SLC16A9: variants seen among roughly 807,000 people sequenced by gnomAD.
SLC16A9 encodes monocarboxylate transporter 9.
SLC16A9 carries 26 observed loss-of-function variants against 44.3 expected under a neutral mutation model. The observed-to-expected ratio is 0.59, with a 90% CI of 0.43 to 0.81. The LOEUF (loss-of-function observed/expected upper bound fraction) is 0.81. Among genes scored for constraint, SLC16A9 ranks in the 40% least tolerant of loss-of-function variants. The probability of loss-of-function intolerance (pLI) is 0.00; values close to 1 mark genes in which losing one functional copy is unlikely to be tolerated. For missense variants in SLC16A9, 559 were observed against 595.8 expected (o/e 0.94, Z 0.64); for synonymous variants, 230 against 225.1 (o/e 1.02, Z -0.19).
At chr10:59,685,179 A>T (rs1840105083) in intron 1 of SLC16A9, among the ~76,000 whole-genome samples, 1 of 152,206 alleles carries the variant, frequency 6.6e-6, no homozygotes, top group Non-Finnish European at 1.5e-5. Flanking sequence ...TGTCCACATA[A>T]CATCCTGAGA....
chr10:59,703,705 A>G (rs1264530749), intron 1 of SLC16A9, among the ~76,000 whole-genome samples: 1 of 151,694 alleles, frequency 6.6e-6, no homozygotes, highest in Non-Finnish European at 1.5e-5. Flanking sequence ...AATTTGAATG[A>G]ATTGCTGATT....
At chr10:59,668,432 C>T (rs969901196) in intron 3 of SLC16A9, among the ~76,000 whole-genome samples, 5 of 152,158 alleles carry the variant, frequency 3.3e-5, no homozygotes, top group African/African-American at 4.8e-5. Flanking sequence ...CAAGACTTAG[C>T]GCAAGCATAA....
At chr10:59,670,667 A>C (rs1406703748) in intron 3 of SLC16A9, among the ~76,000 whole-genome samples, 1 of 152,220 alleles carries the variant, frequency 6.6e-6, no homozygotes, top group Non-Finnish European at 1.5e-5. Context: ...TTACCATTAG[A>C]CTGAACCGTT....
rs1452441500 is a variant in SLC16A9 at position 59,652,018 on chromosome 10, G to A, written c.*754C>T. The A allele has an allele frequency of 6.6e-6, 1 of 152,144 alleles. No individual in the cohort carries two copies. The highest frequency in any genetic ancestry group is 2.4e-5 in the African/African-American group (1 of 41,420). 9.4% of individuals were successfully genotyped at this position (152,144 alleles called of 1,614,324 possible). On this transcript the variant is annotated 3_prime_UTR_variant, in exon 6 of 6. Coordinates refer to ENST00000395348, the MANE Select transcript of SLC16A9 (RefSeq NM_194298.3). ...AAACATCAGCTGAGTGGATGGCCAA[G>A]AAGCAAAAGTGAGCAAGGTTGGAGT...
intron 1 of SLC16A9, among the ~76,000 whole-genome samples, chr10:59,709,171 G>A (rs915976714): frequency 2.0e-5 from 3 of 152,118 alleles, no homozygotes; most frequent in Non-Finnish European, 4.4e-5. Context: ...AGCTCTCTGG[G>A]GGGCCACCGT....
rs554169328 is a variant in SLC16A9 at position 59,703,323 on chromosome 10, A to G, written c.-37+6156T>C. 3.3e-5 allele frequency among the ~76,000 whole-genome samples: 5 copies of G among 152,308 alleles called. No individual in the cohort carries two copies. The South Asian group carries it at 1.0e-3, about 32-fold the overall frequency. On this transcript the variant is annotated intron_variant, in intron 1 of 5. Coordinates refer to ENST00000395348, the MANE Select transcript of SLC16A9 (RefSeq NM_194298.3). ...TTTGTAGAGACGAAGTCTCACTATG[A>G]TACCCAAGCTGGTCTCAAACTGCTG...
intron 1 of SLC16A9, among the ~76,000 whole-genome samples, chr10:59,689,453 A>G (rs1840206602): frequency 6.6e-6 from 1 of 152,256 alleles, no homozygotes; most frequent in Non-Finnish European, 1.5e-5. Flanking sequence ...AATAAAGGGC[A>G]TCTAACCCAA....
chr10:59,689,947 T>G (rs1452035566), intron 1 of SLC16A9, among the ~76,000 whole-genome samples: 1 of 152,220 alleles, frequency 6.6e-6, no homozygotes, highest in Non-Finnish European at 1.5e-5. Context: ...GCACTCTTTT[T>G]CATAAAAATT....
At chr10:59,656,433 C>G (rs866885789) in intron 4 of SLC16A9, among the ~76,000 whole-genome samples, 1 of 152,160 alleles carries the variant, frequency 6.6e-6, no homozygotes, top group African/African-American at 2.4e-5. Flanking sequence ...TCTTGCCAAC[C>G]AAGTTTATCT....
chr10:59,673,063 T>A (rs1588973470), intron 2 of SLC16A9, 150 bp from the exon 3 acceptor site: 2 of 661,284 alleles, frequency 3.0e-6, no homozygotes, highest in African/African-American at 3.7e-5. Context: ...ACATGAACAA[T>A]CTCATCTCAT....
intron 4 of SLC16A9, among the ~76,000 whole-genome samples, chr10:59,661,269 C>G (rs552444515): frequency 6.6e-6 from 1 of 152,116 alleles, no homozygotes; most frequent in African/African-American, 2.4e-5. Flanking sequence ...CATCTCAGCC[C>G]GAAATCTCCT....
chr10:59,685,893 GA>G (rs1355894974), intron 1 of SLC16A9, among the ~76,000 whole-genome samples: 3 of 151,980 alleles, frequency 2.0e-5, no homozygotes, highest in African/African-American at 7.2e-5. Context: ...CCAGGATTTT[GA>G]ATGTGTTGTG....
At chr10:59,677,395 T>A (rs1397255082) in intron 2 of SLC16A9, among the ~76,000 whole-genome samples, 1 of 152,136 alleles carries the variant, frequency 6.6e-6, no homozygotes, top group Non-Finnish European at 1.5e-5. Context: ...CCCAGCGCAG[T>A]GTGTATTTAT....
intron 1 of SLC16A9, among the ~76,000 whole-genome samples, chr10:59,690,244 T>C (rs1840222878): frequency 6.6e-6 from 1 of 152,154 alleles, no homozygotes; most frequent in Admixed American, 6.5e-5. Flanking sequence ...ATCACTTACA[T>C]TTAAGTTATA....
In SLC16A9 at chr10:59,653,830, G is replaced by C. The variant is rs750417619; in HGVS notation, c.1196C>G (p.Ala399Gly). ...AAACCCTAGGATCCCAGAAAGCAAC[G>C]CCAATGTGACATAGCTTTTGGCAAA... ...IPFAKSYVTL[A>G]LLSGILGFLT... Residue 399 changes from alanine to glycine, a missense_variant, in exon 5 of 6, where the codon GCG becomes GGG. By Grantham distance (60) the Ala-to-Gly change is moderately conservative. Coordinates refer to ENST00000395348, the MANE Select transcript of SLC16A9 (RefSeq NM_194298.3). The C allele has an allele frequency of 2.5e-5, 40 of 1,613,948 alleles. 1 individual carries two copies. The highest frequency in any genetic ancestry group is 3.2e-5 in the Non-Finnish European group (38 of 1,180,004).
intron 4 of SLC16A9, among the ~76,000 whole-genome samples, chr10:59,660,721 T>A (rs951382837): frequency 2.0e-5 from 3 of 152,206 alleles, no homozygotes; most frequent in Admixed American, 6.5e-5. Flanking sequence ...TTCAGGCTAA[T>A]ATCCCTGATA....
At chr10:59,698,987 G>T (rs1441721859) in intron 1 of SLC16A9, among the ~76,000 whole-genome samples, 1 of 152,070 alleles carries the variant, frequency 6.6e-6, no homozygotes, top group Non-Finnish European at 1.5e-5. Flanking sequence ...CAGTTGATCT[G>T]TCTGCCTCAG....
rs1564707025 is a variant in SLC16A9, at chr10:59,684,107, C to G, written c.185G>C (p.Gly62Ala). The change falls in exon 2 of 6, where the codon GGC becomes GCC. Residue 62 changes from glycine (G) to alanine (A), a missense_variant. Coordinates refer to ENST00000395348, the MANE Select transcript of SLC16A9 (RefSeq NM_194298.3). The stretch of plus-strand genomic sequence containing the variant: ...ATTTATCCACTTACTTGCAAGCAAG[C>G]CAACTCCACTTGCCAGGGATCCAAC... The part of the protein sequence containing the change: ...AWVGSLASGV[G>A]LLASPVCSLC... The G allele has an allele frequency of 4.3e-6, 7 of 1,611,248 alleles. No individual in the cohort carries two copies. The highest frequency in any genetic ancestry group is 1.3e-5 in the African/African-American group (1 of 74,958).
At chr10:59,683,893 T>C (rs1451897296) in intron 2 of SLC16A9, among the ~76,000 whole-genome samples, 1 of 152,196 alleles carries the variant, frequency 6.6e-6, no homozygotes, top group African/African-American at 2.4e-5. Context: ...ATGAATGAAT[T>C]GATGGTTGAT....
Sources: allele counts gnomAD v4.1 joint callset (sites outside exome capture counted in the v4.1 genomes callset), GRCh38; gene constraint gnomAD v4.1.1; transcripts MANE v1.5; gene names NCBI Gene and HGNC (gene_info 2026-07-23, HGNC 2026-07-21).